QTMAN: variants seen among roughly 807,000 people sequenced by gnomAD.
The protein encoded by QTMAN is tRNA-queuosine alpha-mannosyltransferase.
chr2:144,239,164 AAAGAAAAG>A, the QTMAN span, among the ~76,000 whole-genome samples: 451 of 151,502 alleles, frequency 3.0e-3, 2 homozygotes, highest in African/African-American at 0.01. Context: ...CTGTTAAAAA[AAAGAAAAG>A]AAAAAAAAGA....
chr2:144,090,135 GC>G, the QTMAN span, among the ~76,000 whole-genome samples: 1 of 151,840 alleles, frequency 6.6e-6, no homozygotes, highest in African/African-American at 2.4e-5. Context: ...ATCTCTAGAT[GC>G]AAAAAAAAGG....
At chr2:144,119,876 C>CAAAA in the QTMAN span, among the ~76,000 whole-genome samples, 3 of 151,264 alleles carry the variant, frequency 2.0e-5, no homozygotes, top group African/African-American at 7.3e-5. Context: ...CAAAACAAAA[C>CAAAA]AAAAAACAAA....
the QTMAN span, among the ~76,000 whole-genome samples, chr2:144,228,423 T>A: frequency 6.6e-6 from 1 of 152,204 alleles, no homozygotes. Flanking sequence ...GTTGCATAGT[T>A]ATTACAAGAT....
At chr2:144,250,498 A>G in the QTMAN span, among the ~76,000 whole-genome samples, 1 of 152,168 alleles carries the variant, frequency 6.6e-6, no homozygotes, top group Non-Finnish European at 1.5e-5. Flanking sequence ...TAAAATTGAT[A>G]TAAAAATATA....
the QTMAN span, among the ~76,000 whole-genome samples, chr2:143,991,825 G>C: frequency 6.7e-6 from 1 of 149,380 alleles, no homozygotes; most frequent in Admixed American, 6.6e-5. Flanking sequence ...TCGTCCGGGA[G>C]GTGAGGGGCA....
At chr2:144,238,410 G>A in the QTMAN span, among the ~76,000 whole-genome samples, 1 of 152,112 alleles carries the variant, frequency 6.6e-6, no homozygotes. Flanking sequence ...CATGGCTTGT[G>A]CTGTTCCTAG....
the QTMAN span, among the ~76,000 whole-genome samples, chr2:144,223,776 T>A: frequency 7.9e-5 from 12 of 152,194 alleles, no homozygotes; most frequent in African/African-American, 2.9e-4. Flanking sequence ...AAACGATTTT[T>A]AAAATCAGGT....
At chr2:144,188,508 C>CGGATGGATGGATGGAT in the QTMAN span, among the ~76,000 whole-genome samples, 7 of 148,632 alleles carry the variant, frequency 4.7e-5, no homozygotes, top group African/African-American at 1.5e-4. Flanking sequence ...CTTTTGCAAT[C>CGGATGGATGGATGGAT]GGATGGATGG....
chr2:144,030,784 C>G, the QTMAN span, among the ~76,000 whole-genome samples: 1 of 152,150 alleles, frequency 6.6e-6, no homozygotes, highest in Non-Finnish European at 1.5e-5. Flanking sequence ...GTGCTGGGCT[C>G]TCTATCGAGG....
the QTMAN span, among the ~76,000 whole-genome samples, chr2:144,103,129 G>C: frequency 4.8e-4 from 73 of 152,326 alleles, no homozygotes; most frequent in East Asian, 0.012. Context: ...AGCATTTACT[G>C]AATGCTTACC....
the QTMAN span, among the ~76,000 whole-genome samples, chr2:144,215,248 TTA>T: frequency 8.2e-3 from 1,209 of 147,466 alleles, 12 homozygotes; most frequent in African/African-American, 0.028. Flanking sequence ...TCTTTATTTT[TTA>T]AAAAAAAAAA....
At chr2:144,186,329 C>T in the QTMAN span, among the ~76,000 whole-genome samples, 2 of 152,128 alleles carry the variant, frequency 1.3e-5, no homozygotes, top group Non-Finnish European at 2.9e-5. Flanking sequence ...AAATCAGGCA[C>T]TGAAGAGCCA....
chr2:144,093,834 C>T, the QTMAN span, among the ~76,000 whole-genome samples: 1 of 152,112 alleles, frequency 6.6e-6, no homozygotes, highest in Non-Finnish European at 1.5e-5. Flanking sequence ...GTACCCTACC[C>T]AGTGCTTGGT....
chr2:144,258,740 C>A, the QTMAN span, among the ~76,000 whole-genome samples: 1 of 151,782 alleles, frequency 6.6e-6, no homozygotes, highest in Admixed American at 6.6e-5. Context: ...TCAAATTCAG[C>A]CAGCTAAGAA....
chr2:144,072,687 C>T, the QTMAN span, among the ~76,000 whole-genome samples: 277 of 152,328 alleles, frequency 1.8e-3, no homozygotes, highest in Admixed American at 2.9e-3. Flanking sequence ...AATCAGACAA[C>T]AGAGAGCCAG....
At chr2:144,228,895 T>C in the QTMAN span, among the ~76,000 whole-genome samples, 1 of 151,984 alleles carries the variant, frequency 6.6e-6, no homozygotes, top group South Asian at 2.1e-4. Flanking sequence ...GAGGCGGAGG[T>C]TGTGGTGAGC....
At chr2:144,101,616 C>T in the QTMAN span, among the ~76,000 whole-genome samples, 1 of 151,994 alleles carries the variant, frequency 6.6e-6, no homozygotes, top group Non-Finnish European at 1.5e-5. Flanking sequence ...ATTCTGCCTC[C>T]CCACAGAATT....
chr2:144,294,637 ATTTG>A, the QTMAN span: 1 of 152,038 alleles, frequency 6.6e-6, no homozygotes, highest in Non-Finnish European at 1.5e-5. Flanking sequence ...TATACTTGAA[ATTTG>A]TTTAACATTG....
At chr2:144,143,189 A>G in the QTMAN span, among the ~76,000 whole-genome samples, 1 of 152,042 alleles carries the variant, frequency 6.6e-6, no homozygotes, top group South Asian at 2.1e-4. Context: ...ATTTCAACTT[A>G]TCATATTCTC....
Sources: gnomAD v4.1 joint callset for allele counts (sites outside exome capture counted in the v4.1 genomes callset) on GRCh38, gnomAD v4.1.1 for gene constraint, MANE v1.5 for transcripts, NCBI Gene and HGNC (gene_info 2026-07-23, HGNC 2026-07-21) for gene names.